Variants in NDUFAF6 observed in about 807,000 individuals in gnomAD.
NDUFAF6 encodes the protein NADH dehydrogenase (ubiquinone) complex I, assembly factor 6.
NDUFAF6 carries 45 observed loss-of-function variants against 40.8 expected under a neutral mutation model. That is an observed-to-expected ratio of 1.10 (90% CI 0.87 to 1.42). The LOEUF (loss-of-function observed/expected upper bound fraction) is 1.42. Ranked by LOEUF, NDUFAF6 falls within the 40% of genes most tolerant of loss-of-function variation. The pLI is 0.00. For missense variants in NDUFAF6, 435 were observed against 418.5 expected (o/e 1.04, Z -0.34); for synonymous variants, 185 against 155.9 (o/e 1.19, Z -1.39).
At chr8:95,086,762 C>T (rs540989088) in intron 2 of NDUFAF6, among the ~76,000 whole-genome samples, 15 of 152,164 alleles carry the variant, frequency 9.9e-5, no homozygotes, top group South Asian at 2.1e-4. Context: ...CCACCACGCC[C>T]GGCTAATTTT....
At chr8:94,910,569 A>C (rs1029157815) in intron 1 of NDUFAF6, among the ~76,000 whole-genome samples, 2 of 151,884 alleles carry the variant, frequency 1.3e-5, no homozygotes, top group Non-Finnish European at 2.9e-5. Flanking sequence ...CATTGCACAG[A>C]ATCTAAAAGA....
chr8:95,075,561 C>CG, intron 9 of NDUFAF6: 1 of 1,221,262 alleles, frequency 8.2e-7, no homozygotes, highest in African/African-American at 1.5e-5. Context: ...AAGCATCTCT[C>CG]GGGGCATGGG....
At chr8:95,099,460 C>T (rs139116914), upstream of NDUFAF6, among the ~76,000 whole-genome samples, 3 of 151,844 alleles carry the variant, frequency 2.0e-5, no homozygotes, top group African/African-American at 4.8e-5. Flanking sequence ...AGGGGTTGAG[C>T]GTAAAGAGTT....
chr8:94,962,664 G>A (rs1359868343), intron 1 of NDUFAF6, among the ~76,000 whole-genome samples: 6 of 150,988 alleles, frequency 4.0e-5, no homozygotes, highest in African/African-American at 1.5e-4. Flanking sequence ...CCAGGCTTGA[G>A]TACAGTGGTG....
At chr8:94,921,396 G>A (rs1417890881) in intron 1 of NDUFAF6, among the ~76,000 whole-genome samples, 1 of 152,126 alleles carries the variant, frequency 6.6e-6, no homozygotes, top group African/African-American at 2.4e-5. Context: ...CCTTGGCCAG[G>A]GGGAATGCAT....
chr8:95,020,404 T>G (rs1827643097), upstream of NDUFAF6, among the ~76,000 whole-genome samples: 1 of 152,334 alleles, frequency 6.6e-6, no homozygotes, highest in African/African-American at 2.4e-5. Context: ...CTTCTTAAAC[T>G]TGCTGAGTCT....
At chr8:95,075,610 A>T in intron 9 of NDUFAF6, 1 of 1,288,008 alleles carries the variant, frequency 7.8e-7, no homozygotes, top group South Asian at 1.2e-5. Flanking sequence ...TTGGTGAATA[A>T]GTGTCCTCTT....
intron 2 of NDUFAF6, among the ~76,000 whole-genome samples, chr8:95,015,923 A>G (rs548824310): frequency 5.8e-4 from 88 of 152,012 alleles, no homozygotes; most frequent in Admixed American, 1.5e-3. Flanking sequence ...AAAGAGAGGA[A>G]GAATATCCCA....
At chr8:94,921,696 C>A (rs1819513659) in intron 1 of NDUFAF6, among the ~76,000 whole-genome samples, 1 of 152,194 alleles carries the variant, frequency 6.6e-6, no homozygotes, top group South Asian at 2.1e-4. Context: ...TGCAAAGAAA[C>A]CATCTGGGGA....
chr8:94,978,767 G>C (rs1368588388), intron 1 of NDUFAF6, among the ~76,000 whole-genome samples: 1 of 151,980 alleles, frequency 6.6e-6, no homozygotes, highest in Non-Finnish European at 1.5e-5. Context: ...GTGTTTCCCT[G>C]AGTTCTGTGA....
At chr8:94,941,007 T>A in intron 1 of NDUFAF6, 1 of 1,263,686 alleles carries the variant, frequency 7.9e-7, no homozygotes, top group Non-Finnish European at 1.1e-6. Context: ...ACCTTGTCTT[T>A]AGTTGGCCCA....
intron 1 of NDUFAF6, among the ~76,000 whole-genome samples, chr8:94,967,148 G>A (rs1323934078): frequency 6.6e-6 from 1 of 152,228 alleles, no homozygotes; most frequent in Non-Finnish European, 1.5e-5. Context: ...TCATTAGGAT[G>A]CTTTTAGTTA....
intron 2 of NDUFAF6, among the ~76,000 whole-genome samples, chr8:94,981,248 G>A (rs368676397): frequency 2.6e-5 from 4 of 152,236 alleles, no homozygotes; most frequent in East Asian, 1.9e-4. Flanking sequence ...TGCCTTTTGC[G>A]TTTGGTCTCT....
Position 94,908,733 on chromosome 8 carries a change from G to C in NDUFAF6, c.-936+12806G>C, listed in dbSNP as rs189575449. ...TAATTTCACAGGTATCCCCTTACTTGAGTCTTGCAACAACTCTATGAGGTT... is the reference window on the plus strand; with the variant it reads ...TAATTTCACAGGTATCCCCTTACTTCAGTCTTGCAACAACTCTATGAGGTT... On this transcript the variant is annotated intron_variant, in intron 1 of 14. Coordinates refer to the NDUFAF6 transcript ENST00000396113. 2.0e-5 allele frequency among the ~76,000 whole-genome samples: 3 copies of C among 152,270 alleles called. No individual in the cohort carries two copies. The East Asian group carries it at 5.8e-4, about 29-fold the overall frequency.
intron 1 of NDUFAF6, among the ~76,000 whole-genome samples, chr8:94,903,396 T>C (rs1818155573): frequency 6.6e-6 from 1 of 151,996 alleles, no homozygotes; most frequent in African/African-American, 2.4e-5. Context: ...AAAACTGTCA[T>C]AGTTAAAATG....
chr8:95,014,236 T>C (rs1447939701), intron 2 of NDUFAF6, among the ~76,000 whole-genome samples: 1 of 152,232 alleles, frequency 6.6e-6, no homozygotes, highest in African/African-American at 2.4e-5. Context: ...AGGAAGATTT[T>C]AGATGGGGCG....
At position 94,985,773 on chromosome 8, in the gene NDUFAF6, A is replaced by G. The variant is rs188502626; in HGVS notation, c.-84+4800A>G. 2.1e-4 allele frequency among the ~76,000 whole-genome samples: 32 copies of G among 150,548 alleles called. No homozygotes were observed. In the East Asian group the frequency reaches 6.3e-3, roughly 29 times the overall value. On this transcript the variant is annotated intron_variant, in intron 2 of 9. Coordinates refer to the NDUFAF6 transcript ENST00000396111. ...CTGGTCTCAAATGCCTGACCTTGTG[A>G]TTTGCCCGCCTTGGCGTCCCAAAGT... is the stretch of plus-strand genomic sequence containing the variant.
chr8:95,053,588 A>T (rs1338814803), intron 8 of NDUFAF6, among the ~76,000 whole-genome samples: 1 of 151,946 alleles, frequency 6.6e-6, no homozygotes. Context: ...AGGCATTGAT[A>T]CTTTTTAAAA....
intron 1 of NDUFAF6, chr8:94,940,940 A>T: frequency 6.2e-7 from 1 of 1,611,908 alleles, no homozygotes; most frequent in Non-Finnish European, 8.5e-7. Context: ...CCTCTGGAAC[A>T]TTGTTAAGGC....
Sources: allele counts gnomAD v4.1 joint callset (sites outside exome capture counted in the v4.1 genomes callset), GRCh38; gene constraint gnomAD v4.1.1; transcripts MANE v1.5; gene names NCBI Gene and HGNC (gene_info 2026-07-23, HGNC 2026-07-21).